The following SCGB1A1 variants were observed in gnomAD, a reference collection of about 807,000 sequenced individuals.
SCGB1A1 encodes the protein uteroglobin.
Under a neutral mutation model 7.5 loss-of-function variants are expected in SCGB1A1, and 8 were observed. The observed-to-expected ratio is 1.07, with a 90% CI of 0.63 to 1.92. The LOEUF (loss-of-function observed/expected upper bound fraction) is 1.92. Ranked by LOEUF, SCGB1A1 falls within the 30% of genes most tolerant of loss-of-function variation. SCGB1A1 has a pLI of 0.00. For synonymous variants in SCGB1A1, 44 were observed against 40.8 expected (o/e 1.08, Z -0.30); for missense variants, 121 against 112.7 (o/e 1.07, Z -0.33).
At position 62,423,175 on chromosome 11, in the gene SCGB1A1, C is replaced by T; in HGVS notation, c.*84C>T. On this transcript the variant is annotated 3_prime_UTR_variant, in exon 3 of 3. Coordinates refer to ENST00000278282, the MANE Select transcript of SCGB1A1 (RefSeq NM_003357.5). Reference sequence around the variant, plus strand: ...CCACGCCCACCAGCCTTGCTCTCTTCAATAAACCACAAGCATCTCACTTTT... The same window carrying T: ...CCACGCCCACCAGCCTTGCTCTCTTTAATAAACCACAAGCATCTCACTTTT... The T allele has an allele frequency of 7.2e-7, 1 of 1,388,190 alleles. No homozygotes were observed. The highest frequency in any genetic ancestry group is 1.4e-5 in the African/African-American group (1 of 70,322). The allele number at this position is 1,388,190 out of a possible 1,614,324, so 86.0% of individuals were successfully genotyped here.
At chr11:62,420,973 T>C (rs1430844697) in intron 1 of SCGB1A1, among the ~76,000 whole-genome samples, 3 of 151,712 alleles carry the variant, frequency 2.0e-5, no homozygotes, top group Non-Finnish European at 4.4e-5. Context: ...TTAAATTAAA[T>C]TAAAATTTAA....
intron 1 of SCGB1A1, among the ~76,000 whole-genome samples, chr11:62,420,825 C>T (rs1346245135): frequency 6.6e-6 from 1 of 151,314 alleles, no homozygotes; most frequent in African/African-American, 2.4e-5. Context: ...GTCCCAGCTA[C>T]TTGGGAGGCC....
Position 62,419,121 on chromosome 11 carries a change from T to C in SCGB1A1, c.26T>C (p.Leu9Pro), listed in dbSNP as rs41439549. MKLAVTLT[L>P]VTLALCCSSA... is the part of the protein sequence containing the mutation. ...ATGAAACTCGCTGTCACCCTCACCC[T>C]GGTCACACTGGCTCTCTGCTGCAGC... The change falls in exon 1 of 3, where the codon CTG becomes CCG. Residue 9 changes from leucine to proline, a missense_variant. Transcript: ENST00000278282. The C allele has an allele frequency of 1.1e-5, 17 of 1,585,332 alleles. No homozygotes were observed. The highest frequency in any genetic ancestry group is 5.1e-5 in the Admixed American group (3 of 58,304).
intron 1 of SCGB1A1, 23 bp downstream of exon 1, chr11:62,419,173 C>G: frequency 6.7e-7 from 1 of 1,502,550 alleles, no homozygotes; most frequent in Non-Finnish European, 9.0e-7. Flanking sequence ...AGACCCTTCC[C>G]TCCCTCCTGG....
intron 1 of SCGB1A1, among the ~76,000 whole-genome samples, chr11:62,421,215 C>T (rs1190483333): frequency 6.6e-6 from 1 of 152,124 alleles, no homozygotes; most frequent in South Asian, 2.1e-4. Flanking sequence ...GGATTTGAGA[C>T]TCACTGGGAA....
In SCGB1A1 at chr11:62,422,220, G is replaced by C. The variant is rs145195050; in HGVS notation, c.56-1G>C. 5 of 1,607,072 alleles carry C rather than the reference G, an allele frequency of 3.1e-6. No homozygotes were observed. The highest frequency in any genetic ancestry group is 3.4e-6 in the Non-Finnish European group (4 of 1,175,220). ...TGTGCCTTCTCTCCTCTGTGTTGCA[G>C]CTTCTGCAGAGATCTGCCCGAGCTT... is the stretch of plus-strand genomic sequence containing the variant. On this transcript the variant is annotated splice_acceptor_variant, in intron 1 of 2. Transcript: ENST00000278282. LOFTEE classifies it high-confidence loss of function.
Position 62,422,108 on chromosome 11 carries a change from TG to T in SCGB1A1, c.56-112del, listed in dbSNP as rs1937809511. 4 of 775,162 alleles carry T rather than the reference TG, an allele frequency of 5.2e-6. No homozygotes were observed. The Admixed American group carries it at 1.1e-4, about 21-fold the overall frequency. 48.0% of individuals were successfully genotyped at this position (775,162 alleles called of 1,614,324 possible). The stretch of plus-strand genomic sequence containing the variant: ...CACTCTAGTCCATCGATGAAAAGGC[TG>T]CTATCTCTCGCTGATGGGCCTGGCT... On this transcript the variant is annotated intron_variant, in intron 1 of 2. Transcript: ENST00000278282.
chr11:62,422,632 T>A (rs1369186089), intron 2 of SCGB1A1, among the ~76,000 whole-genome samples: 1 of 137,508 alleles, frequency 7.3e-6, no homozygotes, highest in African/African-American at 2.7e-5. Context: ...TAGGGTGCAA[T>A]AGCACGATCT....
chr11:62,419,151 G>A lies in SCGB1A1; in HGVS notation c.55+1G>A. The A allele has an allele frequency of 6.4e-7, 1 of 1,559,768 alleles. No homozygotes were observed. The highest frequency in any genetic ancestry group is 8.7e-7 in the Non-Finnish European group (1 of 1,148,124). On this transcript the variant is annotated splice_donor_variant, in intron 1 of 2. Transcript: ENST00000278282. LOFTEE classifies it high-confidence loss of function. ...ACACTGGCTCTCTGCTGCAGCTCCG[G>A]TGAGTGCTCAGAGACCCTTCCCTCC...
chr11:62,419,045 CA>C lies in SCGB1A1; in HGVS notation c.-50del. The C allele has an allele frequency of 6.6e-7, 1 of 1,524,058 alleles. No homozygotes were observed. Among genetic ancestry groups the C allele is most frequent in the Non-Finnish European group, 8.9e-7 (1 of 1,124,134 alleles). 94.4% of individuals were successfully genotyped at this position (1,524,058 alleles called of 1,614,324 possible). ...CTGGGCATGTCTCATACTAGCCCACCAGACTCAGAGACGGAACCAGAGACGG... is the reference window on the plus strand; with the variant it reads ...CTGGGCATGTCTCATACTAGCCCACCGACTCAGAGACGGAACCAGAGACGG... On this transcript the variant is annotated 5_prime_UTR_variant, in exon 1 of 3. Transcript: ENST00000278282.
chr11:62,419,864 G>A (rs151268925), intron 1 of SCGB1A1, among the ~76,000 whole-genome samples: 5 of 152,278 alleles, frequency 3.3e-5, no homozygotes, highest in African/African-American at 1.2e-4. Flanking sequence ...AAGATCCCCC[G>A]TCTTTGGGGA....
chr11:62,422,144 T>C, intron 1 of SCGB1A1, 77 bp from the exon 2 acceptor site: 2 of 1,295,032 alleles, frequency 1.5e-6, no homozygotes, highest in South Asian at 1.7e-5. Flanking sequence ...TGTTTGCATC[T>C]GGGCAGACCC....
intron 1 of SCGB1A1, among the ~76,000 whole-genome samples, chr11:62,420,811 T>C (rs1937769644): frequency 6.6e-6 from 1 of 151,616 alleles, no homozygotes; most frequent in South Asian, 2.1e-4. Flanking sequence ...GGCGCATGCC[T>C]GTAGTCCCAG....
In SCGB1A1 at chr11:62,419,158, C is replaced by T; in HGVS notation, c.55+8C>T. 6.5e-7 allele frequency: 1 copy of T among 1,536,160 alleles called. No homozygotes were observed. The highest frequency in any genetic ancestry group is 8.8e-7 in the Non-Finnish European group (1 of 1,134,878). On this transcript the variant is annotated splice_region_variant and intron_variant, in intron 1 of 2. Transcript: ENST00000278282. ...CTCTCTGCTGCAGCTCCGGTGAGTGCTCAGAGACCCTTCCCTCCCTCCTGG... is the reference window on the plus strand; with the variant it reads ...CTCTCTGCTGCAGCTCCGGTGAGTGTTCAGAGACCCTTCCCTCCCTCCTGG...
rs1370003065 is a variant in SCGB1A1 at position 62,422,336 on chromosome 11, G to A, written c.171G>A (p.Glu57=). ...ELFSPDQDMR[E]AGAQLKKLVD... ...TCAGCCCTGATCAAGACATGAGGGA[G>A]GCAGGGGCTCAGCTGAAGAAGCTGG... Residue 57 remains glutamate, a synonymous_variant, in exon 2 of 3, where the codon GAG becomes GAA. Transcript: ENST00000278282. The A allele has an allele frequency of 1.2e-6, 2 of 1,614,018 alleles. No homozygotes were observed. The highest frequency in any genetic ancestry group is 2.7e-5 in the African/African-American group (2 of 74,940).
chr11:62,419,065 G>A lies in SCGB1A1; in HGVS notation c.-31G>A. Reference sequence around the variant, plus strand: ...CCCACCAGACTCAGAGACGGAACCAGAGACGGGCCAGAGCATCCCCCTCCT... The same window carrying A: ...CCCACCAGACTCAGAGACGGAACCAAAGACGGGCCAGAGCATCCCCCTCCT... On this transcript the variant is annotated 5_prime_UTR_variant, in exon 1 of 3. Transcript: ENST00000278282. 1 of 1,569,540 alleles carries A rather than the reference G, an allele frequency of 6.4e-7. No homozygotes were observed. The highest frequency in any genetic ancestry group is 1.2e-5 in the South Asian group (1 of 83,316).
chr11:62,422,321 T>G lies in SCGB1A1; in HGVS notation c.156T>G (p.Asp52Glu), dbSNP rs779290496. The G allele has an allele frequency of 3.7e-6, 6 of 1,614,104 alleles. No individual in the cohort carries two copies. Among genetic ancestry groups the G allele is most frequent in the Non-Finnish European group, 4.2e-6 (5 of 1,180,006 alleles). ...CTGCCATGGAACTTTTCAGCCCTGA[T>G]CAAGACATGAGGGAGGCAGGGGCTC... ...YEAAMELFSP[D>E]QDMREAGAQL... is the part of the protein sequence containing the mutation. The change falls in exon 2 of 3, where the codon GAT becomes GAG. Residue 52 changes from aspartate (D) to glutamate (E), a missense_variant. By Grantham distance (45) the Asp-to-Glu change is conservative. Coordinates refer to ENST00000278282, the MANE Select transcript of SCGB1A1 (RefSeq NM_003357.5).
At chr11:62,422,157 C>A in intron 1 of SCGB1A1, 64 bp from the exon 2 acceptor site, 1 of 1,462,160 alleles carries the variant, frequency 6.8e-7, no homozygotes, top group Non-Finnish European at 9.3e-7. Context: ...GCAGACCCAG[C>A]CAGAGGGCTA....
At chr11:62,419,224 A>G in intron 1 of SCGB1A1, 74 bp downstream of exon 1, 1 of 1,191,612 alleles carries the variant, frequency 8.4e-7, no homozygotes, top group Non-Finnish European at 1.1e-6. Context: ...GCTCAGAAGA[A>G]GGAGTGAGCT....
Sources: allele counts gnomAD v4.1 joint callset (sites outside exome capture counted in the v4.1 genomes callset), GRCh38; gene constraint gnomAD v4.1.1; transcripts MANE v1.5; gene names NCBI Gene and HGNC (gene_info 2026-07-23, HGNC 2026-07-21).